LRRC69: variants seen among roughly 807,000 people sequenced by gnomAD.
LRRC69 encodes leucine rich repeat containing 69.
A neutral mutation model predicts 37.8 loss-of-function variants in LRRC69; 42 were observed. The ratio of observed to expected loss-of-function variants is 1.11; its 90% CI spans 0.87 to 1.44. LRRC69 has a LOEUF of 1.44. LRRC69 is among the 40% of genes most tolerant of loss of function. LRRC69 has a pLI of 0.00. For missense variants in LRRC69, 357 were observed against 401.9 expected (o/e 0.89, Z 0.96); for synonymous variants, 141 against 143.1 (o/e 0.99, Z 0.11).
intron 5 of LRRC69, among the ~76,000 whole-genome samples, chr8:91,141,327 G>A (rs1329207452): frequency 1.3e-5 from 2 of 152,030 alleles, no homozygotes; most frequent in South Asian, 2.1e-4. Context: ...TTGGATTGTG[G>A]CCCACTCTAA....
intron 2 of LRRC69, among the ~76,000 whole-genome samples, chr8:91,125,093 T>C (rs575596259): frequency 4.6e-5 from 7 of 151,988 alleles, no homozygotes; most frequent in African/African-American, 1.4e-4. Flanking sequence ...TTCTTTCTTT[T>C]TCCCATTAAC....
chr8:91,183,071 A>T (rs1358328022), intron 5 of LRRC69, among the ~76,000 whole-genome samples: 1 of 152,144 alleles, frequency 6.6e-6, no homozygotes, highest in Non-Finnish European at 1.5e-5. Context: ...GGGAACATGA[A>T]TGTTCAGAAA....
At chr8:91,163,711 C>T (rs1251381370) in intron 5 of LRRC69, among the ~76,000 whole-genome samples, 1 of 151,310 alleles carries the variant, frequency 6.6e-6, no homozygotes, top group Admixed American at 6.6e-5. Flanking sequence ...GTTATATTTC[C>T]TTTTAAATTT....
At chr8:91,142,527 CGCA>C (rs1462128882) in intron 5 of LRRC69, among the ~76,000 whole-genome samples, 1 of 151,954 alleles carries the variant, frequency 6.6e-6, no homozygotes, top group South Asian at 2.1e-4. Flanking sequence ...GTAGTTTGTC[CGCA>C]GCAGTGACCC....
intron 5 of LRRC69, among the ~76,000 whole-genome samples, chr8:91,179,328 A>G (rs890524471): frequency 6.6e-6 from 1 of 152,016 alleles, no homozygotes; most frequent in Non-Finnish European, 1.5e-5. Context: ...GAGCAGAAGC[A>G]AGAGAGAGAG....
intron 1 of LRRC69, among the ~76,000 whole-genome samples, chr8:91,118,921 A>G (rs966189677): frequency 2.6e-5 from 4 of 152,112 alleles, no homozygotes; most frequent in African/African-American, 9.6e-5. Context: ...ATCAAGTGTC[A>G]TCTTCTCAGA....
chr8:91,163,363 AGCAGTCCTTG>A (rs1339622407), intron 5 of LRRC69, among the ~76,000 whole-genome samples: 5 of 151,518 alleles, frequency 3.3e-5, no homozygotes, highest in Non-Finnish European at 7.4e-5. Flanking sequence ...TATTGCCAAG[AGCAGTCCTTG>A]GCAAATAATA....
intron 5 of LRRC69, among the ~76,000 whole-genome samples, chr8:91,169,546 G>A (rs916414110): frequency 2.6e-5 from 4 of 151,314 alleles, no homozygotes; most frequent in Non-Finnish European, 5.9e-5. Flanking sequence ...TATACCTTAA[G>A]TTTTAGGGTA....
intron 5 of LRRC69, among the ~76,000 whole-genome samples, chr8:91,159,882 TTGGGATG>T (rs1233067288): frequency 1.9e-4 from 29 of 151,262 alleles, no homozygotes; most frequent in African/African-American, 7.0e-4. Flanking sequence ...TAGAGTGTTC[TTGGGATG>T]AAAATGATTG....
At chr8:91,169,556 A>C in intron 5 of LRRC69, among the ~76,000 whole-genome samples, 1 of 151,474 alleles carries the variant, frequency 6.6e-6, no homozygotes, top group Non-Finnish European at 1.5e-5. Context: ...GTTTTAGGGT[A>C]CATGTGCACA....
chr8:91,105,259 AAAC>A (rs993645344), intron 1 of LRRC69, among the ~76,000 whole-genome samples: 3 of 151,886 alleles, frequency 2.0e-5, no homozygotes, highest in Non-Finnish European at 4.4e-5. Flanking sequence ...TTGGAAAAAA[AAAC>A]ACAATTTTCC....
chr8:91,166,608 A>G (rs1809035618), intron 5 of LRRC69, among the ~76,000 whole-genome samples: 2 of 151,712 alleles, frequency 1.3e-5, no homozygotes, highest in Non-Finnish European at 2.9e-5. Flanking sequence ...GATCAAAGAT[A>G]TGCTCTGTAA....
At chr8:91,178,430 A>G (rs186926083) in intron 5 of LRRC69, among the ~76,000 whole-genome samples, 2 of 152,186 alleles carry the variant, frequency 1.3e-5, no homozygotes, top group East Asian at 3.9e-4. Flanking sequence ...TAATAGAAGG[A>G]AGAGCTTCAG....
At chr8:91,179,222 T>A (rs1376993622) in intron 5 of LRRC69, among the ~76,000 whole-genome samples, 1 of 152,200 alleles carries the variant, frequency 6.6e-6, no homozygotes, top group East Asian at 1.9e-4. Context: ...CAGCAGGTTG[T>A]ACAGGAAGCA....
chr8:91,204,557 T>C (rs1437832399), intron 7 of LRRC69, among the ~76,000 whole-genome samples: 1 of 152,206 alleles, frequency 6.6e-6, no homozygotes, highest in African/African-American at 2.4e-5. Flanking sequence ...TCTTTCACTT[T>C]ACTCCACTGT....
At chr8:91,120,078 C>T (rs1234203321) in intron 1 of LRRC69, among the ~76,000 whole-genome samples, 2 of 152,022 alleles carry the variant, frequency 1.3e-5, no homozygotes, top group African/African-American at 4.8e-5. Context: ...AGTTTCCCTT[C>T]ATAGCAAAAG....
At chr8:91,190,704 TC>T (rs1340525363) in intron 6 of LRRC69, among the ~76,000 whole-genome samples, 4 of 152,126 alleles carry the variant, frequency 2.6e-5, no homozygotes, top group East Asian at 1.9e-4. Flanking sequence ...TTTAACTACT[TC>T]CCCACTGTTG....
intron 5 of LRRC69, among the ~76,000 whole-genome samples, chr8:91,180,572 G>A (rs1360729599): frequency 6.6e-6 from 1 of 152,146 alleles, no homozygotes; most frequent in African/African-American, 2.4e-5. Context: ...ACCTCTTAAA[G>A]GAGCAGTAAC....
At chr8:91,203,268 T>C (rs1303161163) in intron 7 of LRRC69, among the ~76,000 whole-genome samples, 2 of 152,166 alleles carry the variant, frequency 1.3e-5, no homozygotes, top group Admixed American at 6.5e-5. Context: ...ACCTCTAACA[T>C]CATCTCTATC....
Sources: gnomAD v4.1 joint callset for allele counts (sites outside exome capture counted in the v4.1 genomes callset) on GRCh38, gnomAD v4.1.1 for gene constraint, MANE v1.5 for transcripts, NCBI Gene and HGNC (gene_info 2026-07-23, HGNC 2026-07-21) for gene names.